Variants in RAI14 observed in about 807,000 individuals in gnomAD.
RAI14 encodes the protein retinoic acid induced 14.
RAI14 carries 45 observed loss-of-function variants against 115.4 expected under a neutral mutation model. The observed-to-expected ratio is 0.39, with a 90% CI of 0.31 to 0.50. The LOEUF (loss-of-function observed/expected upper bound fraction) is 0.50, where lower values mean the gene tolerates loss of function less well. Among genes scored for constraint, RAI14 ranks in the 20% least tolerant of loss-of-function variants. The pLI, the probability that RAI14 is intolerant of heterozygous loss-of-function variation, is 0.85. For missense variants in RAI14, 939 were observed against 1,131.2 expected (o/e 0.83, Z 2.44); for synonymous variants, 371 against 415.4 (o/e 0.89, Z 1.30).
At chr5:34,752,600 G>A (rs566374920) in intron 2 of RAI14, among the ~76,000 whole-genome samples, 8 of 151,752 alleles carry the variant, frequency 5.3e-5, no homozygotes, top group South Asian at 2.1e-4. Flanking sequence ...TTCGAAATAC[G>A]CCTTTGCTTA....
At chr5:34,723,508 G>A (rs1469524681) in intron 2 of RAI14, among the ~76,000 whole-genome samples, 1 of 152,134 alleles carries the variant, frequency 6.6e-6, no homozygotes, top group Non-Finnish European at 1.5e-5. Context: ...AAAGTTTACC[G>A]ATTTAAGTGT....
Position 34,711,602 on chromosome 5 carries a change from C to T in RAI14, c.36+24647C>T, listed in dbSNP as rs115435322. 4.0e-3 allele frequency among the ~76,000 whole-genome samples: 602 copies of T among 152,308 alleles called. 9 individuals carry two copies. The highest frequency in any genetic ancestry group is 0.014 in the African/African-American group (575 of 41,550). ...AGAGGCCTGACAACAGGGATGGAAC[C>T]CTCATGAATGAGATTATTGCCCTTA... is the stretch of plus-strand genomic sequence containing the variant. On this transcript the variant is annotated intron_variant, in intron 2 of 17. Transcript: ENST00000265109.
intron 2 of RAI14, among the ~76,000 whole-genome samples, chr5:34,746,686 A>G (rs184273079): frequency 5.9e-5 from 9 of 152,126 alleles, no homozygotes; most frequent in African/African-American, 1.7e-4. Context: ...CTTTCATGCT[A>G]TCTCTGTCTC....
rs138949061 is a variant in RAI14, at chr5:34,823,976, G to A, written c.2134G>A (p.Glu712Lys). 1.6e-4 allele frequency: 261 copies of A among 1,614,030 alleles called. No homozygotes were observed. Among genetic ancestry groups the A allele is most frequent in the Middle Eastern group, 4.9e-4 (3 of 6,062 alleles). Residue 712 changes from glutamate (E) to lysine (K), a missense_variant, in exon 15 of 18, where the codon GAG becomes AAG. Transcript: ENST00000265109. The surrounding 1 kb of genome is among the most constrained non-coding windows in gnomAD (Gnocchi z 4.5). ...MKSQYSKVLN[E>K]LTQLKQLVDA... Reference sequence around the variant, plus strand: ...GTCTCAGTATTCAAAAGTGTTGAATGAGTTGACCCAGCTCAAACAACTGGT... The same window carrying A: ...GTCTCAGTATTCAAAAGTGTTGAATAAGTTGACCCAGCTCAAACAACTGGT...
At chr5:34,668,741 T>TATACTTACC (rs1277286654) in intron 1 of RAI14, among the ~76,000 whole-genome samples, 1 of 152,212 alleles carries the variant, frequency 6.6e-6, no homozygotes, top group African/African-American at 2.4e-5. Flanking sequence ...TCAATATCCA[T>TATACTTACC]ATACTTACCA....
chr5:34,696,170 G>C (rs1172681422), intron 2 of RAI14, among the ~76,000 whole-genome samples: 1 of 151,766 alleles, frequency 6.6e-6, no homozygotes, highest in Non-Finnish European at 1.5e-5. Flanking sequence ...ACGGAGTCTT[G>C]CTCTGTCACC....
intron 15 of RAI14, among the ~76,000 whole-genome samples, chr5:34,825,095 T>C (rs1370201728): frequency 6.6e-6 from 1 of 152,012 alleles, no homozygotes; most frequent in Non-Finnish European, 1.5e-5. Flanking sequence ...AGCAATATAG[T>C]GAGACCCCAT....
chr5:34,728,321 G>A (rs1056479917), intron 2 of RAI14, among the ~76,000 whole-genome samples: 33 of 152,256 alleles, frequency 2.2e-4, no homozygotes, highest in African/African-American at 7.0e-4. Context: ...TTGGGGGGCC[G>A]TTGGGAAGGC....
intron 3 of RAI14, among the ~76,000 whole-genome samples, chr5:34,771,895 C>T (rs1750209336): frequency 6.6e-6 from 1 of 151,986 alleles, no homozygotes; most frequent in South Asian, 2.1e-4. Context: ...TAGGGTGTCA[C>T]TGTTTTTTGT....
At chr5:34,732,283 A>G (rs930404064) in intron 2 of RAI14, among the ~76,000 whole-genome samples, 2 of 152,184 alleles carry the variant, frequency 1.3e-5, no homozygotes, top group African/African-American at 4.8e-5. Flanking sequence ...AAAGAGCCAG[A>G]CAAATGTGGC....
At chr5:34,729,680 C>T (rs112420764) in intron 2 of RAI14, among the ~76,000 whole-genome samples, 2,041 of 152,186 alleles carry the variant, frequency 0.013, 37 homozygotes, top group African/African-American at 0.047. Flanking sequence ...CAGTCAGAAT[C>T]AAGAGCATGA....
chr5:34,746,097 C>G (rs1270776696), intron 2 of RAI14, among the ~76,000 whole-genome samples: 4 of 133,186 alleles, frequency 3.0e-5, no homozygotes, highest in African/African-American at 5.8e-5. Flanking sequence ...CCCCTCCCCC[C>G]CCCGCCTTTT....
intron 2 of RAI14, among the ~76,000 whole-genome samples, chr5:34,713,591 T>C (rs1741657932): frequency 1.3e-5 from 2 of 152,222 alleles, no homozygotes; most frequent in Admixed American, 6.5e-5. Context: ...ATAAAGATAA[T>C]GTCTCACTGT....
intron 17 of RAI14, 59 bp downstream of exon 17, chr5:34,829,856 G>A: frequency 1.5e-6 from 2 of 1,338,158 alleles, no homozygotes; most frequent in Non-Finnish European, 2.1e-6. Flanking sequence ...AGCAGATGTT[G>A]ACAGAACTCC....
At chr5:34,710,801 G>C (rs1741294370) in intron 2 of RAI14, among the ~76,000 whole-genome samples, 2 of 152,146 alleles carry the variant, frequency 1.3e-5, no homozygotes, top group South Asian at 4.1e-4. Flanking sequence ...AGTGACTTCT[G>C]CTCAGCATGC....
chr5:34,741,942 A>C lies in RAI14; in HGVS notation c.37-15526A>C, dbSNP rs544313091. 9.8e-5 allele frequency among the ~76,000 whole-genome samples: 15 copies of C among 152,320 alleles called. No homozygotes were observed. In the South Asian group the frequency reaches 1.0e-3, roughly 11 times the overall value. On this transcript the variant is annotated intron_variant, in intron 2 of 17. Transcript: ENST00000265109. ...GAATCCACACGTGTCATTGTGCCCC[A>C]GGAGCTTGGCAAAGAGGAAGTGTCT... is the stretch of plus-strand genomic sequence containing the variant.
chr5:34,771,918 T>G (rs164308), intron 3 of RAI14, among the ~76,000 whole-genome samples: 19,937 of 152,166 alleles, frequency 0.13, 1,378 homozygotes, highest in East Asian at 0.26. Flanking sequence ...TTTGTTTTTT[T>G]GGGACAGGGT....
chr5:34,766,321 C>T (rs1011574974), intron 3 of RAI14, among the ~76,000 whole-genome samples: 5 of 152,116 alleles, frequency 3.3e-5, no homozygotes, highest in South Asian at 2.1e-4. Flanking sequence ...AACACCAGCC[C>T]GTGAGAGCAG....
chr5:34,692,610 C>T (rs932440970), intron 2 of RAI14, among the ~76,000 whole-genome samples: 5 of 149,872 alleles, frequency 3.3e-5, no homozygotes, highest in Admixed American at 3.3e-4. Context: ...TTAAGCTAAG[C>T]CTTTTTTTTT....
Sources: gnomAD v4.1 joint callset for allele counts (sites outside exome capture counted in the v4.1 genomes callset) on GRCh38, gnomAD v4.1.1 for gene constraint, Gnocchi (gnomAD v3.1) non-coding constraint, MANE v1.5 for transcripts, NCBI Gene and HGNC (gene_info 2026-07-23, HGNC 2026-07-21) for gene names.